Variants in EIF1 observed in about 807,000 individuals in gnomAD.
EIF1 encodes protein translation factor SUI1 homolog.
A neutral mutation model predicts 13.7 loss-of-function variants in EIF1; 4 were observed. The observed-to-expected ratio is 0.29, with a 90% CI of 0.14 to 0.67. EIF1 has a LOEUF of 0.67. EIF1 is among the 30% of genes least tolerant of loss of function. The pLI, the probability that EIF1 is intolerant of heterozygous loss-of-function variation, is 0.77. For synonymous variants in EIF1, 67 were observed against 50.7 expected, an observed-to-expected ratio of 1.32 and a Z score of -1.37; for missense variants, 64 against 138.0, an observed-to-expected ratio of 0.46 and a Z score of 2.69.
At chr17:41,689,350 C>G (rs1454068768) in intron 1 of EIF1, 4 of 565,384 alleles carry the variant, frequency 7.1e-6, no homozygotes, top group South Asian at 2.1e-5. Flanking sequence ...ACCCGCCCCT[C>G]CCGTCACCAT....
At chr17:41,689,639 C>T (rs925360955) in intron 1 of EIF1, 139 bp from the exon 2 acceptor site, 5 of 841,084 alleles carry the variant, frequency 5.9e-6, no homozygotes, top group Non-Finnish European at 8.8e-6. Flanking sequence ...GGAGAGCCAG[C>T]AAAGGACACA....
At chr17:41,689,376 A>G (rs1000558790) in intron 1 of EIF1, 9 of 541,104 alleles carry the variant, frequency 1.7e-5, no homozygotes, top group Non-Finnish European at 2.0e-5. Flanking sequence ...CACGTCCGTT[A>G]CGTCACCACC....
In EIF1 at chr17:41,691,152, C is replaced by T. The variant is rs756941693; in HGVS notation, c.*326C>T. ...CTATGGCCGGAACCTCCTCAGCTCT[C>T]CCTCTGCAGAGTTCCCTACCCTAAG... On this transcript the variant is annotated 3_prime_UTR_variant, in exon 4 of 4. Transcript: ENST00000469257. 2.0e-6 allele frequency: 1 copy of T among 507,236 alleles called. No individual in the cohort carries two copies. Among genetic ancestry groups the T allele is most frequent in the South Asian group, 3.4e-5 (1 of 29,224 alleles). The allele number at this position is 507,236 out of a possible 1,614,324, so 31.4% of individuals were successfully genotyped here.
Position 41,690,950 on chromosome 17 carries a change from T to G in EIF1, c.*124T>G. The G allele has an allele frequency of 9.3e-7, 1 of 1,075,396 alleles. No homozygotes were observed. Among genetic ancestry groups the G allele is most frequent in the Non-Finnish European group, 1.4e-6 (1 of 711,718 alleles). 66.6% of individuals were successfully genotyped at this position (1,075,396 alleles called of 1,614,324 possible). On this transcript the variant is annotated 3_prime_UTR_variant, in exon 4 of 4. Transcript: ENST00000469257. Reference sequence around the variant, plus strand: ...ATAATGTAACCATTTGGGGTCCGCTTTTAACTTGGACTAGTGTAACTCCTT... The same window carrying G: ...ATAATGTAACCATTTGGGGTCCGCTGTTAACTTGGACTAGTGTAACTCCTT...
Position 41,690,835 on chromosome 17 carries a change from G to A in EIF1, c.*9G>A. 1 of 1,613,406 alleles carries A rather than the reference G, an allele frequency of 6.2e-7. No homozygotes were observed. The highest frequency in any genetic ancestry group is 8.5e-7 in the Non-Finnish European group (1 of 1,179,820). On this transcript the variant is annotated 3_prime_UTR_variant, in exon 4 of 4. Coordinates refer to ENST00000469257, the MANE Select transcript of EIF1 (RefSeq NM_005801.4). ...AGGTTCATGGGTTTTAAGTGCTTGTGGCTCACTGAAGCTTAAGTGAGGATT... is the reference window on the plus strand; with the variant it reads ...AGGTTCATGGGTTTTAAGTGCTTGTAGCTCACTGAAGCTTAAGTGAGGATT...
At position 41,692,331 on chromosome 17, in the gene EIF1, G is replaced by T. The variant is rs547191520; in HGVS notation, c.*1505G>T. ...GGTAGTAAGTTTGTAGTATTAGAAG[G>T]TTTAATGACAAGTATTTGAAGAGCT... On this transcript the variant is annotated 3_prime_UTR_variant, in exon 4 of 4. Transcript: ENST00000469257. 3.3e-5 allele frequency: 5 copies of T among 152,342 alleles called. No individual in the cohort carries two copies. Among genetic ancestry groups the T allele is most frequent in the African/African-American group, 1.2e-4 (5 of 41,580 alleles). The allele number at this position is 152,342 out of a possible 1,614,324, so 9.4% of individuals were successfully genotyped here.
Position 41,689,841 on chromosome 17 carries a change from A to G in EIF1, c.95A>G (p.His32Arg). 1 of 1,614,024 alleles carries G rather than the reference A, an allele frequency of 6.2e-7. No homozygotes were observed. The highest frequency in any genetic ancestry group is 8.5e-7 in the Non-Finnish European group (1 of 1,179,944). The change falls in exon 2 of 4, where the codon CAT (histidine) becomes CGT (arginine). Residue 32 changes from histidine to arginine, a missense_variant. His to Arg is a conservative substitution (Grantham distance 29). Coordinates refer to ENST00000469257, the MANE Select transcript of EIF1 (RefSeq NM_005801.4). ...CCTGCTGGCACTGAGGATTATATCCATATAAGAATTCAACAGAGAAACGGC... is the reference window on the plus strand; with the variant it reads ...CCTGCTGGCACTGAGGATTATATCCGTATAAGAATTCAACAGAGAAACGGC... ...LLPAGTEDYIHIRIQQRNGRK... is the reference protein window; with the variant it reads ...LLPAGTEDYIRIRIQQRNGRK...
chr17:41,689,400 C>T lies in EIF1; in HGVS notation c.31+331C>T, dbSNP rs531637438. 247 of 520,100 alleles carry T rather than the reference C, an allele frequency of 4.7e-4. 3 individuals are homozygous for T. In the East Asian group the frequency reaches 8.1e-3, roughly 17 times the overall value. The allele number at this position is 520,100 out of a possible 1,614,324, so 32.2% of individuals were successfully genotyped here. ...TACGTCACCACCCGTTGTCACGGATCCGGAGGGAAAGGCGGTGCCAGCCCT... is the reference window on the plus strand; with the variant it reads ...TACGTCACCACCCGTTGTCACGGATTCGGAGGGAAAGGCGGTGCCAGCCCT... On this transcript the variant is annotated intron_variant, in intron 1 of 3. Coordinates refer to ENST00000469257, the MANE Select transcript of EIF1 (RefSeq NM_005801.4).
At position 41,690,159 on chromosome 17, in the gene EIF1, A is replaced by G. The variant is rs3388; in HGVS notation, c.267A>G (p.Gln89=). The change falls in exon 3 of 4, where the codon CAA becomes CAG. Residue 89 remains glutamine, a synonymous_variant. Coordinates refer to ENST00000469257, the MANE Select transcript of EIF1 (RefSeq NM_005801.4). ...AAGTAATTCAGCTACAGGGTGACCA[A>G]CGCAAGAACATATGCCAGTTCCTCG... ...YGEVIQLQGD[Q]RKNICQFLVE... is the part of the protein sequence containing the mutation. The G allele has an allele frequency of 1.2e-6, 2 of 1,614,164 alleles. No homozygotes were observed. The highest frequency in any genetic ancestry group is 1.7e-4 in the Middle Eastern group (1 of 6,046).
rs1209188626 is a variant in EIF1 at position 41,690,180 on chromosome 17, C to T, written c.288C>T (p.Phe96=). The T allele has an allele frequency of 3.7e-6, 6 of 1,613,664 alleles. No individual in the cohort carries two copies. Among genetic ancestry groups the T allele is most frequent in the Admixed American group, 1.7e-5 (1 of 59,998 alleles). ...QGDQRKNICQ[F]LVEIGLAKDD... ...ACCAACGCAAGAACATATGCCAGTTCCTCGTAGAGGTGAGTTCAGTCACTA... is the reference window on the plus strand; with the variant it reads ...ACCAACGCAAGAACATATGCCAGTTTCTCGTAGAGGTGAGTTCAGTCACTA... Residue 96 remains phenylalanine (F), a synonymous_variant, in exon 3 of 4, where the codon TTC becomes TTT. Transcript: ENST00000469257.
rs966261733 is a variant in EIF1 at position 41,692,537 on chromosome 17, C to T, written c.*1711C>T. 8.7e-6 allele frequency: 1 copy of T among 115,398 alleles called. No individual in the cohort carries two copies. Among genetic ancestry groups the T allele is most frequent in the South Asian group, 3.8e-4 (1 of 2,642 alleles). 7.1% of individuals were successfully genotyped at this position (115,398 alleles called of 1,614,324 possible). Reference sequence around the variant, plus strand: ...TTCAACAATGAGCCTCACAGCCGTGCTACACAATAAGATTATAATACTGTA... The same window carrying T: ...TTCAACAATGAGCCTCACAGCCGTGTTACACAATAAGATTATAATACTGTA... On this transcript the variant is annotated 3_prime_UTR_variant, in exon 4 of 4. Coordinates refer to ENST00000469257, the MANE Select transcript of EIF1 (RefSeq NM_005801.4).
At position 41,690,836 on chromosome 17, in the gene EIF1, G is replaced by T. The variant is rs1270731430; in HGVS notation, c.*10G>T. On this transcript the variant is annotated 3_prime_UTR_variant, in exon 4 of 4. Transcript: ENST00000469257. ...GGTTCATGGGTTTTAAGTGCTTGTG[G>T]CTCACTGAAGCTTAAGTGAGGATTT... 1 of 1,613,124 alleles carries T rather than the reference G, an allele frequency of 6.2e-7. No homozygotes were observed. Among genetic ancestry groups the T allele is most frequent in the Non-Finnish European group, 8.5e-7 (1 of 1,179,786 alleles).
Position 41,688,898 on chromosome 17 carries a change from A to AGCC in EIF1, c.-133_-131dup. The AGCC allele has an allele frequency of 1.2e-6, 1 of 803,932 alleles. No homozygotes were observed. The highest frequency in any genetic ancestry group is 2.3e-5 in the Admixed American group (1 of 43,656). 49.8% of individuals were successfully genotyped at this position (803,932 alleles called of 1,614,324 possible). A position where few individuals can be genotyped will look rare whatever the true frequency, so the allele number is the denominator to read the frequency against. On this transcript the variant is annotated 5_prime_UTR_variant, in exon 1 of 4. Transcript: ENST00000469257. The stretch of plus-strand genomic sequence containing the variant: ...CACCGCCCCTCTGCCCCAGTCACTG[A>AGCC]GCCGCCGCCGAGGATTCAGCAGCCT...
At position 41,691,254 on chromosome 17, in the gene EIF1, A is replaced by T. The variant is rs1211943253; in HGVS notation, c.*428A>T. On this transcript the variant is annotated 3_prime_UTR_variant, in exon 4 of 4. Coordinates refer to ENST00000469257, the MANE Select transcript of EIF1 (RefSeq NM_005801.4). ...GTAAGGCAGAAGCACCAGCTGTACT[A>T]CTAGAAGGGAGCTTTTGGTGGTAGA... 6.4e-6 allele frequency: 2 copies of T among 310,560 alleles called. No homozygotes were observed. The highest frequency in any genetic ancestry group is 1.2e-5 in the Non-Finnish European group (2 of 170,554). 19.2% of individuals were successfully genotyped at this position (310,560 alleles called of 1,614,324 possible). A position where few individuals can be genotyped will look rare whatever the true frequency, so the allele number is the denominator to read the frequency against.
Position 41,688,942 on chromosome 17 carries a change from C to A in EIF1, c.-97C>A. On this transcript the variant is annotated 5_prime_UTR_variant, in exon 1 of 4. Transcript: ENST00000469257. Reference sequence around the variant, plus strand: ...GCAGCCTCCCCCTTGAGCCCCCTCGCTTCCCGACGTTCCGTTCCCCCCTGC... The same window carrying A: ...GCAGCCTCCCCCTTGAGCCCCCTCGATTCCCGACGTTCCGTTCCCCCCTGC... The A allele has an allele frequency of 7.5e-7, 1 of 1,329,420 alleles. No homozygotes were observed. Among genetic ancestry groups the A allele is most frequent in the Non-Finnish European group, 1.1e-6 (1 of 938,944 alleles). The allele number at this position is 1,329,420 out of a possible 1,614,324, so 82.4% of individuals were successfully genotyped here. A position where few individuals can be genotyped will look rare whatever the true frequency, so the allele number is the denominator to read the frequency against.
In EIF1 at chr17:41,692,444, G is replaced by A. The variant is rs1162476147; in HGVS notation, c.*1618G>A. 1 of 152,214 alleles carries A rather than the reference G, an allele frequency of 6.6e-6. No individual in the cohort carries two copies. The highest frequency in any genetic ancestry group is 6.5e-5 in the Admixed American group (1 of 15,280). The allele number at this position is 152,214 out of a possible 1,614,324, so 9.4% of individuals were successfully genotyped here. A position where few individuals can be genotyped will look rare whatever the true frequency, so the allele number is the denominator to read the frequency against. On this transcript the variant is annotated 3_prime_UTR_variant, in exon 4 of 4. Coordinates refer to ENST00000469257, the MANE Select transcript of EIF1 (RefSeq NM_005801.4). ...TTCTGTTCCTGGGTCCATTAATTTA[G>A]TTAAAAAGGCAAAGTTCTTTCAGCA...
chr17:41,691,126 A>T lies in EIF1; in HGVS notation c.*300A>T. The T allele has an allele frequency of 1.9e-6, 1 of 530,924 alleles. No homozygotes were observed. The highest frequency in any genetic ancestry group is 3.4e-6 in the Non-Finnish European group (1 of 297,412). 32.9% of individuals were successfully genotyped at this position (530,924 alleles called of 1,614,324 possible). On this transcript the variant is annotated 3_prime_UTR_variant, in exon 4 of 4. Transcript: ENST00000469257. ...GCCCAGAGCCCTAAGATTACAAACA[A>T]CTATGGCCGGAACCTCCTCAGCTCT... is the stretch of plus-strand genomic sequence containing the variant.
At chr17:41,690,298 C>T (rs1175869803) in intron 3 of EIF1, 109 bp downstream of exon 3, 4 of 821,152 alleles carry the variant, frequency 4.9e-6, no homozygotes, top group Admixed American at 5.0e-5. Context: ...CTGAGCAAAA[C>T]CTCAGTTGGG....
intron 1 of EIF1, 81 bp from the exon 2 acceptor site, chr17:41,689,697 C>A: frequency 1.4e-6 from 2 of 1,424,516 alleles, no homozygotes; most frequent in Non-Finnish European, 1.9e-6. Flanking sequence ...TTTCTGCACG[C>A]GCAAAACACC....
Sources: gnomAD v4.1 joint callset for allele counts on GRCh38, gnomAD v4.1.1 for gene constraint, MANE v1.5 for transcripts, NCBI Gene and HGNC (gene_info 2026-07-23, HGNC 2026-07-21) for gene names.